The following GPC5 variants were observed in gnomAD, a reference collection of about 807,000 sequenced individuals.
GPC5 encodes glypican-5.
In GPC5, 47 loss-of-function variants were observed where a neutral mutation model predicts 53.9. The observed-to-expected ratio is 0.87, with a 90% confidence interval of 0.69 to 1.11. The LOEUF (loss-of-function observed/expected upper bound fraction) is 1.11, where lower values mean the gene tolerates loss of function less well. Among genes scored for constraint, GPC5 ranks in the 50% most tolerant of loss-of-function variants. The pLI is 0.00. For synonymous variants in GPC5, 286 were observed against 263.3 expected, an observed-to-expected ratio of 1.09 and a Z score of -0.84; for missense variants, 748 against 713.1, an observed-to-expected ratio of 1.05 and a Z score of -0.56.
At chr13:92,004,488 A>G (rs947587354) in intron 6 of GPC5, among the ~76,000 whole-genome samples, 5 of 137,338 alleles carry the variant, frequency 3.6e-5, no homozygotes, top group Admixed American at 2.9e-4. Flanking sequence ...ATATATATAT[A>G]TAATTACACT....
In GPC5 at chr13:92,540,945, C is replaced by A. The variant is rs565084734; in HGVS notation, c.1562-325337C>A. Among the ~76,000 whole-genome samples, 4 of 151,950 alleles carry A rather than the reference C, an allele frequency of 2.6e-5. No homozygotes were observed. The East Asian group carries it at 7.7e-4, about 29-fold the overall frequency. On this transcript the variant is annotated intron_variant, in intron 7 of 7. Transcript: ENST00000377067. ...TAGGTGGACTAGCAGGGAATACTAG[C>A]TGGTTCTAAAATGTAAATGTAGAGA...
At chr13:91,701,821 A>G (rs1038721243) in intron 3 of GPC5, among the ~76,000 whole-genome samples, 4 of 152,106 alleles carry the variant, frequency 2.6e-5, no homozygotes, top group African/African-American at 4.8e-5. Flanking sequence ...CAAAAGGATA[A>G]TTGCTGTAGC....
intron 7 of GPC5, among the ~76,000 whole-genome samples, chr13:92,836,528 C>A (rs1006141263): frequency 6.6e-6 from 1 of 152,032 alleles, no homozygotes; most frequent in African/African-American, 2.4e-5. Context: ...TTATGACATA[C>A]AAATTTAGTT....
At chr13:92,450,238 C>T (rs1282639418) in intron 7 of GPC5, among the ~76,000 whole-genome samples, 3 of 152,022 alleles carry the variant, frequency 2.0e-5, no homozygotes, top group Non-Finnish European at 4.4e-5. Context: ...AAGTACAGGT[C>T]GAGTATCCTT....
chr13:91,857,753 G>A (rs1353831783), intron 5 of GPC5, among the ~76,000 whole-genome samples: 3 of 151,106 alleles, frequency 2.0e-5, no homozygotes, highest in Non-Finnish European at 3.0e-5. Flanking sequence ...TTTGATGTAT[G>A]ATTATGTAGA....
intron 7 of GPC5, among the ~76,000 whole-genome samples, chr13:92,247,470 G>T (rs543033409): frequency 5.3e-5 from 8 of 152,202 alleles, no homozygotes; most frequent in Non-Finnish European, 8.8e-5. Context: ...TGTTTAGGTT[G>T]CTGTTAAGAT....
intron 6 of GPC5, among the ~76,000 whole-genome samples, chr13:91,954,102 T>A (rs2139064348): frequency 6.6e-6 from 1 of 152,318 alleles, no homozygotes; most frequent in Non-Finnish European, 1.5e-5. Context: ...TTAAAATCTT[T>A]AAATCTTAAA....
rs1473528391 is a variant in GPC5 at position 92,515,933 on chromosome 13, AT to A, written c.1562-350348del. 2.0e-5 allele frequency among the ~76,000 whole-genome samples: 3 copies of A among 152,206 alleles called. No homozygotes were observed. The East Asian group carries it at 5.8e-4, about 29-fold the overall frequency. On this transcript the variant is annotated intron_variant, in intron 7 of 7. Coordinates refer to ENST00000377067, the MANE Select transcript of GPC5 (RefSeq NM_004466.6). ...TAACTGTTCACATTTCTTTTCATGA[AT>A]ATAAAAATCAGACAAGAAGCACTTA...
At chr13:91,936,030 G>A (rs2039867882) in intron 6 of GPC5, among the ~76,000 whole-genome samples, 1 of 151,960 alleles carries the variant, frequency 6.6e-6, no homozygotes, top group Non-Finnish European at 1.5e-5. Context: ...CTTCCTCCCT[G>A]TTTCCCACTC....
At chr13:91,865,800 T>G (rs1474439182) in intron 5 of GPC5, among the ~76,000 whole-genome samples, 3 of 152,194 alleles carry the variant, frequency 2.0e-5, no homozygotes, top group Non-Finnish European at 4.4e-5. Flanking sequence ...TCTTGTGACT[T>G]TCTGTCTCCT....
intron 7 of GPC5, among the ~76,000 whole-genome samples, chr13:92,182,887 A>AAG (rs1228162381): frequency 1.4e-5 from 2 of 146,084 alleles, no homozygotes; most frequent in East Asian, 2.7e-4. Context: ...AAAAAAAAAA[A>AAG]AAAGTAAACA....
intron 7 of GPC5, among the ~76,000 whole-genome samples, chr13:92,817,832 A>AAGGTTTTAATGAAAC (rs1258355862): frequency 1.3e-5 from 2 of 151,840 alleles, no homozygotes; most frequent in African/African-American, 4.9e-5. Flanking sequence ...ATCATAAGTC[A>AAGGTTTTAATGAAAC]CTCAGAAGAA....
chr13:92,736,912 T>C (rs1021612935), intron 7 of GPC5, among the ~76,000 whole-genome samples: 4 of 151,932 alleles, frequency 2.6e-5, no homozygotes, highest in African/African-American at 4.8e-5. Context: ...ATTCACAAAA[T>C]GCAGTCTATG....
At chr13:91,952,115 TA>T (rs1161205482) in intron 6 of GPC5, among the ~76,000 whole-genome samples, 1 of 152,098 alleles carries the variant, frequency 6.6e-6, no homozygotes, top group Non-Finnish European at 1.5e-5. Flanking sequence ...TATGTTCTGC[TA>T]GGTATTATGA....
chr13:91,454,563 A>G (rs1881405652), intron 2 of GPC5, among the ~76,000 whole-genome samples: 1 of 152,112 alleles, frequency 6.6e-6, no homozygotes, highest in Non-Finnish European at 1.5e-5. Context: ...ATTTAATCAG[A>G]TATTTATCAT....
At chr13:92,847,702 T>C (rs1878658721) in intron 7 of GPC5, among the ~76,000 whole-genome samples, 1 of 152,012 alleles carries the variant, frequency 6.6e-6, no homozygotes, top group South Asian at 2.1e-4. Flanking sequence ...ATACACCCTG[T>C]CTTTGTTGAG....
chr13:91,498,695 G>A (rs567973057), intron 2 of GPC5, among the ~76,000 whole-genome samples: 1 of 152,240 alleles, frequency 6.6e-6, no homozygotes, highest in African/African-American at 2.4e-5. Context: ...TAGCTGTAGG[G>A]GAGCCAGTTA....
At chr13:91,760,670 A>G (rs1341106436) in intron 5 of GPC5, among the ~76,000 whole-genome samples, 2 of 152,130 alleles carry the variant, frequency 1.3e-5, no homozygotes, top group African/African-American at 4.8e-5. Flanking sequence ...GGTGATTGAT[A>G]TGATTATTTG....
In GPC5 at chr13:92,537,252, T is replaced by A. The variant is rs115018780; in HGVS notation, c.1562-329030T>A. Reference sequence around the variant, plus strand: ...ATAGTGTAGTTGGTATAAGCATCTGTGAAAGAAAATTTATCATGTCAGAAA... The same window carrying A: ...ATAGTGTAGTTGGTATAAGCATCTGAGAAAGAAAATTTATCATGTCAGAAA... On this transcript the variant is annotated intron_variant, in intron 7 of 7. Transcript: ENST00000377067. 1.4e-3 allele frequency among the ~76,000 whole-genome samples: 218 copies of A among 152,276 alleles called. 1 individual carries two copies. The highest frequency in any genetic ancestry group is 5.0e-3 in the African/African-American group (207 of 41,586).
Sources: allele counts gnomAD v4.1 joint callset (sites outside exome capture counted in the v4.1 genomes callset), GRCh38; gene constraint gnomAD v4.1.1; transcripts MANE v1.5; gene names NCBI Gene and HGNC (gene_info 2026-07-23, HGNC 2026-07-21).